CCL25: variants seen among roughly 807,000 people sequenced by gnomAD.
The protein encoded by CCL25 is C-C motif chemokine ligand 25, also known as C-C motif chemokine 25.
CCL25 carries 14 observed loss-of-function variants against 19.9 expected under a neutral mutation model. The observed-to-expected ratio is 0.70, with a 90% confidence interval of 0.47 to 1.10. The LOEUF (loss-of-function observed/expected upper bound fraction) is 1.10, where lower values mean the gene tolerates loss of function less well. CCL25 is among the 50% of genes least tolerant of loss of function. CCL25 has a pLI of 0.00. For synonymous variants in CCL25, 68 were observed against 73.2 expected (o/e 0.93, Z 0.36); for missense variants, 151 against 181.2 (o/e 0.83, Z 0.96).
At chr19:8,054,224 C>A (rs1002665371) in intron 2 of CCL25, among the ~76,000 whole-genome samples, 1 of 152,236 alleles carries the variant, frequency 6.6e-6, no homozygotes, top group Non-Finnish European at 1.5e-5. Flanking sequence ...CCTGACCCAC[C>A]TGCCCCTCGG....
At chr19:8,058,541 A>G (rs2081291233) in intron 5 of CCL25, among the ~76,000 whole-genome samples, 1 of 117,152 alleles carries the variant, frequency 8.5e-6, no homozygotes, top group Non-Finnish European at 1.7e-5. Context: ...TATATAATAT[A>G]TAAATACATA....
chr19:8,062,131 A>G, intron 5 of CCL25, 87 bp from the exon 6 acceptor site: 1 of 1,283,694 alleles, frequency 7.8e-7, no homozygotes. Flanking sequence ...TAGGAGCTGT[A>G]GGGACTGGAG....
chr19:8,058,799 C>T (rs897380609), intron 5 of CCL25, among the ~76,000 whole-genome samples: 7 of 139,994 alleles, frequency 5.0e-5, no homozygotes, highest in African/African-American at 1.8e-4. Context: ...GCTGGGACTA[C>T]AGGCGCCCGC....
chr19:8,056,302 G>GCCCCCCC, intron 3 of CCL25, 33 bp downstream of exon 3: 1 of 593,360 alleles, frequency 1.7e-6, no homozygotes, highest in South Asian at 1.4e-5. Context: ...GGGGGGTGGG[G>GCCCCCCC]TGCACACACA....
chr19:8,054,783 G>C lies in CCL25; in HGVS notation c.74-1369G>C, dbSNP rs1207018282. Among the ~76,000 whole-genome samples the C allele has an allele frequency of 4.6e-5, 7 of 151,434 alleles. No homozygotes were observed. In the South Asian group the frequency reaches 1.3e-3, roughly 27 times the overall value. On this transcript the variant is annotated intron_variant, in intron 2 of 5. Transcript: ENST00000315626. Reference sequence around the variant, plus strand: ...TCATCTGTGTGTTTCATCTCTGCTTGTCTAGACATTGACATTTACTGAGAG... The same window carrying C: ...TCATCTGTGTGTTTCATCTCTGCTTCTCTAGACATTGACATTTACTGAGAG...
intron 5 of CCL25, among the ~76,000 whole-genome samples, chr19:8,059,138 TTATATAATATATAA>T (rs1555719122): frequency 3.7e-5 from 3 of 81,530 alleles, no homozygotes; most frequent in Non-Finnish European, 6.5e-5. Flanking sequence ...TAAATATATA[TTATATAATATATAA>T]TATATATAAT....
upstream of CCL25, chr19:8,052,747 G>C (rs888439292): frequency 2.7e-6 from 1 of 374,344 alleles, no homozygotes; most frequent in Admixed American, 4.4e-5. Flanking sequence ...GTGAAGCTCA[G>C]CGTGTTGGTC....
At chr19:8,059,075 AAT>A (rs1457201644) in intron 5 of CCL25, among the ~76,000 whole-genome samples, 2 of 34,296 alleles carry the variant, frequency 5.8e-5, no homozygotes, top group South Asian at 4.0e-3. Context: ...TATAATATAT[AAT>A]ATATATAATA....
Position 8,053,028 on chromosome 19 carries a change from G to A in CCL25, c.-22G>A. 6.5e-7 allele frequency: 1 copy of A among 1,542,076 alleles called. No homozygotes were observed. Among genetic ancestry groups the A allele is most frequent in the Non-Finnish European group, 8.8e-7 (1 of 1,141,428 alleles). On this transcript the variant is annotated 5_prime_UTR_variant, in exon 2 of 6. Coordinates refer to ENST00000315626, the MANE Select transcript of CCL25 (RefSeq NM_005624.4). ...GCCCCGTTATTCGTCCAGGTGCCCAGGGAGGAGGACCCGCCTGCAGCATGA... is the reference window on the plus strand; with the variant it reads ...GCCCCGTTATTCGTCCAGGTGCCCAAGGAGGAGGACCCGCCTGCAGCATGA...
At chr19:8,062,193 T>C (rs974693636) in intron 5 of CCL25, 25 bp from the exon 6 acceptor site, 1 of 1,612,642 alleles carries the variant, frequency 6.2e-7, no homozygotes, top group Non-Finnish European at 8.5e-7. Context: ...CAATTTTACT[T>C]CGGCCTCTCT....
In CCL25 at chr19:8,056,279, GC is replaced by G. The variant is rs1239658108; in HGVS notation, c.191+12del. 1.3e-6 allele frequency: 2 copies of G among 1,576,548 alleles called. No individual in the cohort carries two copies. Among genetic ancestry groups the G allele is most frequent in the Non-Finnish European group, 8.7e-7 (1 of 1,153,420 alleles). On this transcript the variant is annotated intron_variant, in intron 3 of 5. Coordinates refer to ENST00000315626, the MANE Select transcript of CCL25 (RefSeq NM_005624.4). Reference sequence around the variant, plus strand: ...ATCTGCCTGCTGCGATGTGAGTGGGGCCGTGGGGGCTGGGGGGGTGGGGTGC... The same window carrying G: ...ATCTGCCTGCTGCGATGTGAGTGGGGCGTGGGGGCTGGGGGGGTGGGGTGC...
At chr19:8,054,331 C>T (rs910853822) in intron 2 of CCL25, among the ~76,000 whole-genome samples, 2 of 152,254 alleles carry the variant, frequency 1.3e-5, no homozygotes, top group Admixed American at 1.3e-4. Context: ...CAGCCCAGCC[C>T]TTCGATCCTG....
At chr19:8,059,209 A>AT (rs1228272486) in intron 5 of CCL25, among the ~76,000 whole-genome samples, 3 of 131,498 alleles carry the variant, frequency 2.3e-5, no homozygotes, top group African/African-American at 5.8e-5. Context: ...TATAATTAAT[A>AT]TTTTTTTATG....
In CCL25 at chr19:8,055,493, A is replaced by G. The variant is rs371539875; in HGVS notation, c.74-659A>G. Among the ~76,000 whole-genome samples, 56 of 150,138 alleles carry G rather than the reference A, an allele frequency of 3.7e-4. No individual in the cohort carries two copies. The East Asian group carries it at 4.0e-3, about 11-fold the overall frequency. On this transcript the variant is annotated intron_variant, in intron 2 of 5. Transcript: ENST00000315626. ...TGGGACTCCAGGCGCCCACCACCAC[A>G]CCCGGCTAATTTTTATATTTTTAGT...
chr19:8,062,089 C>A, intron 5 of CCL25, 129 bp from the exon 6 acceptor site: 2 of 733,124 alleles, frequency 2.7e-6, no homozygotes, highest in Non-Finnish European at 4.6e-6. Flanking sequence ...AAGATTCTAG[C>A]ACTCCTATTA....
At chr19:8,053,163 C>T in intron 2 of CCL25, 41 bp downstream of exon 2, 1 of 1,309,988 alleles carries the variant, frequency 7.6e-7, no homozygotes, top group South Asian at 1.4e-5. Context: ...TGCCCCTCTC[C>T]CCATGCCCCC....
At chr19:8,060,794 G>A (rs1182504136) in intron 5 of CCL25, among the ~76,000 whole-genome samples, 3 of 151,344 alleles carry the variant, frequency 2.0e-5, no homozygotes, top group Non-Finnish European at 2.9e-5. Context: ...CATTCTCCTG[G>A]CTCAGCCTCT....
At chr19:8,059,063 TATATA>T (rs1414211867) in intron 5 of CCL25, among the ~76,000 whole-genome samples, 6 of 49,594 alleles carry the variant, frequency 1.2e-4, no homozygotes, top group African/African-American at 3.4e-4. Flanking sequence ...TATATAAATA[TATATA>T]ATATATAATA....
chr19:8,060,983 T>TTTG (rs2081314478), intron 5 of CCL25, among the ~76,000 whole-genome samples: 1 of 38,104 alleles, frequency 2.6e-5, no homozygotes. Context: ...CCCGGCCTAA[T>TTTG]TTTTTTTTTT....
Sources: gnomAD v4.1 joint callset for allele counts (sites outside exome capture counted in the v4.1 genomes callset) on GRCh38, gnomAD v4.1.1 for gene constraint, MANE v1.5 for transcripts, NCBI Gene and HGNC (gene_info 2026-07-23, HGNC 2026-07-21) for gene names.